Variants in LUC7L2 observed in about 807,000 individuals in gnomAD.
LUC7L2 encodes putative RNA-binding protein Luc7-like 2.
Under a neutral mutation model 52.8 loss-of-function variants are expected in LUC7L2, and 25 were observed. The ratio of observed to expected loss-of-function variants is 0.47; its 90% CI spans 0.34 to 0.66. The LOEUF is 0.66. Among genes scored for constraint, LUC7L2 ranks in the 30% least tolerant of loss-of-function variants. The pLI is 0.01. For synonymous variants in LUC7L2, 144 were observed against 160.9 expected (o/e 0.89, Z 0.80); for missense variants, 328 against 497.8 (o/e 0.66, Z 3.25).
intron 2 of LUC7L2, among the ~76,000 whole-genome samples, chr7:139,392,079 A>G (rs1205551373): frequency 1.3e-5 from 2 of 152,208 alleles, no homozygotes; most frequent in Non-Finnish European, 2.9e-5. Flanking sequence ...TTTAAAGGCT[A>G]AATAGACACT....
At chr7:139,401,600 G>T (rs1442299289) in intron 3 of LUC7L2, among the ~76,000 whole-genome samples, 1 of 151,842 alleles carries the variant, frequency 6.6e-6, no homozygotes, top group Non-Finnish European at 1.5e-5. Flanking sequence ...TTACAGGCGC[G>T]CACTACCATG....
intron 8 of LUC7L2, among the ~76,000 whole-genome samples, chr7:139,413,765 A>G (rs6973964): frequency 0.38 from 58,384 of 152,104 alleles, 15,628 homozygotes; most frequent in African/African-American, 0.76. Context: ...GTGACAGAGT[A>G]AGACTGTCTC....
chr7:139,393,716 G>A (rs1041257925), intron 2 of LUC7L2, among the ~76,000 whole-genome samples: 3 of 152,100 alleles, frequency 2.0e-5, no homozygotes, highest in Non-Finnish European at 4.4e-5. Context: ...AAGGTGCTGG[G>A]ATTTCAGGAG....
intron 5 of LUC7L2, 60 bp downstream of exon 5, chr7:139,405,847 G>T: frequency 6.6e-7 from 1 of 1,512,894 alleles, no homozygotes; most frequent in Non-Finnish European, 8.8e-7. Context: ...CAAATAAAAA[G>T]TAGTAGATGA....
intron 1 of LUC7L2, among the ~76,000 whole-genome samples, chr7:139,370,008 C>T (rs538888529): frequency 1.3e-3 from 195 of 151,764 alleles, no homozygotes; most frequent in Non-Finnish European, 2.0e-3. Flanking sequence ...TGTTTTTTCC[C>T]GTTGCCATCT....
At chr7:139,412,749 C>T (rs1795417006) in intron 8 of LUC7L2, 169 bp downstream of exon 8, 8 of 675,652 alleles carry the variant, frequency 1.2e-5, no homozygotes, top group Admixed American at 7.7e-5. Flanking sequence ...TGCTTGAAGC[C>T]GGGAGGCAGA....
chr7:139,341,534 A>G, intron 1 of LUC7L2: 1 of 1,609,016 alleles, frequency 6.2e-7, no homozygotes, highest in Non-Finnish European at 8.5e-7. Flanking sequence ...TACGGGAGCC[A>G]TGTCCCGGGT....
At chr7:139,406,701 C>T (rs1249152662) in intron 5 of LUC7L2, among the ~76,000 whole-genome samples, 1 of 152,004 alleles carries the variant, frequency 6.6e-6, no homozygotes, top group African/African-American at 2.4e-5. Flanking sequence ...GTAAATTTGT[C>T]TTTCAGAAAA....
chr7:139,391,530 A>G (rs1357509646), intron 2 of LUC7L2, among the ~76,000 whole-genome samples: 1 of 152,004 alleles, frequency 6.6e-6, no homozygotes, highest in Non-Finnish European at 1.5e-5. Flanking sequence ...CTATTCGTTG[A>G]TTTTAATGTA....
intron 1 of LUC7L2, among the ~76,000 whole-genome samples, chr7:139,352,222 G>T (rs1799480708): frequency 6.6e-6 from 1 of 152,074 alleles, no homozygotes; most frequent in Admixed American, 6.6e-5. Flanking sequence ...AGGCATGGTG[G>T]TCCACACCTT....
intron 1 of LUC7L2, among the ~76,000 whole-genome samples, chr7:139,369,595 G>T (rs1028564045): frequency 6.6e-6 from 1 of 152,180 alleles, no homozygotes; most frequent in African/African-American, 2.4e-5. Flanking sequence ...AGCTTCAAAA[G>T]ATCCTACAAG....
chr7:139,370,998 G>T (rs1454768064), intron 1 of LUC7L2, among the ~76,000 whole-genome samples: 1 of 152,164 alleles, frequency 6.6e-6, no homozygotes, highest in African/African-American at 2.4e-5. Flanking sequence ...TTCACTGAGG[G>T]GTTATGGATC....
At chr7:139,414,972 C>T (rs532773325) in intron 8 of LUC7L2, among the ~76,000 whole-genome samples, 5 of 152,018 alleles carry the variant, frequency 3.3e-5, no homozygotes, top group Middle Eastern at 3.4e-3. Flanking sequence ...CTGCAACCTC[C>T]GCCTCCCAGG....
chr7:139,412,702 C>A, intron 8 of LUC7L2, 122 bp downstream of exon 8: 1 of 1,162,866 alleles, frequency 8.6e-7, no homozygotes, highest in Non-Finnish European at 1.2e-6. Flanking sequence ...GTGATGCATG[C>A]TTGTAATCCC....
At chr7:139,376,341 A>G (rs901001365) in intron 2 of LUC7L2, among the ~76,000 whole-genome samples, 185 bp downstream of exon 2, 8 of 151,954 alleles carry the variant, frequency 5.3e-5, no homozygotes, top group Non-Finnish European at 1.2e-4. Flanking sequence ...AGTGGTTGAT[A>G]CGTTTTGTTT....
At chr7:139,344,668 T>C (rs941835202) in intron 1 of LUC7L2, among the ~76,000 whole-genome samples, 1 of 151,912 alleles carries the variant, frequency 6.6e-6, no homozygotes, top group African/African-American at 2.4e-5. Flanking sequence ...GCTATCATTT[T>C]TCAGACAAAA....
chr7:139,391,522 A>T (rs373523162), intron 2 of LUC7L2, among the ~76,000 whole-genome samples: 1 of 152,090 alleles, frequency 6.6e-6, no homozygotes, highest in South Asian at 2.1e-4. Context: ...TAATATGTCT[A>T]TTCGTTGATT....
At chr7:139,355,397 C>T (rs1799577936), upstream of LUC7L2, among the ~76,000 whole-genome samples, 1 of 151,550 alleles carries the variant, frequency 6.6e-6, no homozygotes, top group African/African-American at 2.4e-5. Context: ...GAAAACCAGG[C>T]ACACAAGAAA....
intron 1 of LUC7L2, among the ~76,000 whole-genome samples, chr7:139,365,278 T>C (rs940622712): frequency 1.1e-4 from 17 of 152,238 alleles, no homozygotes; most frequent in African/African-American, 3.4e-4. Context: ...TACAGTTGTT[T>C]AGTTCTCCTC....
Sources: gnomAD v4.1 joint callset for allele counts (sites outside exome capture counted in the v4.1 genomes callset) on GRCh38, gnomAD v4.1.1 for gene constraint, MANE v1.5 for transcripts, NCBI Gene and HGNC (gene_info 2026-07-23, HGNC 2026-07-21) for gene names.